Variants in SYCE2 observed in about 807,000 individuals in gnomAD.
SYCE2 encodes synaptonemal complex central element protein 2, also known as central element synaptonemal complex 1.
A neutral mutation model predicts 27.9 loss-of-function variants in SYCE2; 3 were observed. The ratio of observed to expected loss-of-function variants is 0.11; its 90% confidence interval spans 0.05 to 0.28. SYCE2 has a LOEUF of 0.28. Ranked by LOEUF, SYCE2 falls within the 10% of genes least tolerant of loss-of-function variation. SYCE2 has a pLI of 1.00. For missense variants in SYCE2, 207 were observed against 263.5 expected (o/e 0.79, Z 1.48); for synonymous variants, 85 against 100.7 (o/e 0.84, Z 0.93).
intron 2 of SYCE2, among the ~76,000 whole-genome samples, chr19:12,916,898 C>T (rs1184585117): frequency 6.6e-6 from 1 of 151,944 alleles, no homozygotes; most frequent in Admixed American, 6.6e-5. Context: ...TACATGCATG[C>T]ACCACCACGC....
intron 2 of SYCE2, among the ~76,000 whole-genome samples, chr19:12,909,311 G>C (rs1167134101): frequency 6.6e-6 from 1 of 152,100 alleles, no homozygotes; most frequent in Non-Finnish European, 1.5e-5. Flanking sequence ...GAGGACCCAA[G>C]AATATATGAA....
At position 12,918,292 on chromosome 19, in the gene SYCE2, AG is replaced by A; in HGVS notation, c.60del (p.Leu21TrpfsTer29). 1 of 1,614,084 alleles carries A rather than the reference AG, an allele frequency of 6.2e-7. No individual in the cohort carries two copies. The highest frequency in any genetic ancestry group is 8.5e-7 in the Non-Finnish European group (1 of 1,180,002). On this transcript the variant is annotated frameshift_variant, in exon 2 of 6. Coordinates refer to ENST00000293695, the MANE Select transcript of SYCE2 (RefSeq NM_001105578.2). LOFTEE classifies it high-confidence loss of function. ...HVKCKDQEPQ[P>X]LGESKEHPRW... is the part of the protein sequence containing the mutation. Reference sequence around the variant, plus strand: ...CGCGGATGCTCCTTGCTCTCCCCCAAGGGCTGCGGTTCCTGGTCTTTGCATT... The same window carrying A: ...CGCGGATGCTCCTTGCTCTCCCCCAAGGCTGCGGTTCCTGGTCTTTGCATT...
At chr19:12,907,464 T>A (rs546117926) in intron 2 of SYCE2, among the ~76,000 whole-genome samples, 1 of 152,340 alleles carries the variant, frequency 6.6e-6, no homozygotes, top group East Asian at 1.9e-4. Flanking sequence ...CAGGTCACAC[T>A]TGTGTCCACA....
intron 2 of SYCE2, among the ~76,000 whole-genome samples, chr19:12,911,226 G>A (rs370687542): frequency 1.3e-5 from 2 of 151,808 alleles, no homozygotes; most frequent in East Asian, 1.9e-4. Flanking sequence ...ATCCTGCCTC[G>A]GCCCCCAAAG....
chr19:12,900,169 TGGGCAGA>T (rs1395453760), intron 4 of SYCE2, 49 bp from the exon 5 acceptor site: 1 of 1,564,390 alleles, frequency 6.4e-7, no homozygotes, highest in Non-Finnish European at 8.6e-7. Context: ...GCCAGGGCTG[TGGGCAGA>T]GGGGATGATT....
chr19:12,899,197 A>G lies in SYCE2; in HGVS notation c.*144T>C. 1.4e-6 allele frequency: 1 copy of G among 738,716 alleles called. No homozygotes were observed. The highest frequency in any genetic ancestry group is 2.3e-6 in the Non-Finnish European group (1 of 441,658). 45.8% of individuals were successfully genotyped at this position (738,716 alleles called of 1,614,324 possible). On this transcript the variant is annotated 3_prime_UTR_variant, in exon 6 of 6. Coordinates refer to ENST00000293695, the MANE Select transcript of SYCE2 (RefSeq NM_001105578.2). ...TGGACTTGCTACATTTTGGGAGTTCAGCACAAGGAGCTTTGGGTTTTTGTT... is the reference window on the plus strand; with the variant it reads ...TGGACTTGCTACATTTTGGGAGTTCGGCACAAGGAGCTTTGGGTTTTTGTT...
chr19:12,917,042 G>A (rs1163037159), intron 2 of SYCE2, among the ~76,000 whole-genome samples: 4 of 150,198 alleles, frequency 2.7e-5, no homozygotes, highest in South Asian at 4.2e-4. Flanking sequence ...GAGCCACTGC[G>A]CCCAGCCTCT....
At chr19:12,904,783 A>T (rs1304224604) in intron 2 of SYCE2, 117 bp from the exon 3 acceptor site, 1 of 1,207,786 alleles carries the variant, frequency 8.3e-7, no homozygotes, top group East Asian at 2.4e-5. Context: ...GGCGGATCAC[A>T]AGGTCAGGAG....
chr19:12,901,109 C>T (rs766210923), intron 3 of SYCE2, among the ~76,000 whole-genome samples: 4 of 151,868 alleles, frequency 2.6e-5, no homozygotes, highest in Non-Finnish European at 1.5e-5. Flanking sequence ...GCGGAGCTTG[C>T]AGTGAGCTGA....
intron 3 of SYCE2, among the ~76,000 whole-genome samples, chr19:12,901,250 C>T (rs570673549): frequency 3.3e-5 from 5 of 151,858 alleles, no homozygotes; most frequent in African/African-American, 1.2e-4. Context: ...GTGGTGTGCA[C>T]CTGTAATCCC....
intron 2 of SYCE2, among the ~76,000 whole-genome samples, chr19:12,910,965 C>A (rs578003841): frequency 6.6e-6 from 1 of 152,254 alleles, no homozygotes; most frequent in East Asian, 1.9e-4. Context: ...GCGTGAGCCA[C>A]CGCACCCGGC....
At position 12,901,034 on chromosome 19, in the gene SYCE2, T is replaced by G. The variant is rs183224524; in HGVS notation, c.307-386A>C. Among the ~76,000 whole-genome samples the G allele has an allele frequency of 8.5e-3, 1,297 of 152,052 alleles. 19 individuals carry two copies. The highest frequency in any genetic ancestry group is 0.03 in the African/African-American group (1,225 of 41,480). Reference sequence around the variant, plus strand: ...TACAAAAAAATTTAGCCGGGCGAGGTGGCGGGCGCCTGTAGTCCCAGCTAC... The same window carrying G: ...TACAAAAAAATTTAGCCGGGCGAGGGGGCGGGCGCCTGTAGTCCCAGCTAC... On this transcript the variant is annotated intron_variant, in intron 3 of 5. Transcript: ENST00000293695.
intron 3 of SYCE2, among the ~76,000 whole-genome samples, chr19:12,901,660 A>G (rs934599125): frequency 2.0e-5 from 3 of 151,948 alleles, no homozygotes; most frequent in African/African-American, 7.3e-5. Context: ...TCATTGCCCA[A>G]GCTGGAGTTC....
Position 12,916,236 on chromosome 19 carries a change from A to AT in SYCE2, c.131+1985dup, listed in dbSNP as rs200708582. Among the ~76,000 whole-genome samples, 1,150 of 151,770 alleles carry AT rather than the reference A, an allele frequency of 7.6e-3. 15 individuals are homozygous for AT. Among genetic ancestry groups the AT allele is most frequent in the African/African-American group, 0.026 (1,081 of 41,388 alleles). ...AGGCATGCGCCACCACGCCTGGCTA[A>AT]TTTTTTGTATTTTTAGTAGAAACAG... is the stretch of plus-strand genomic sequence containing the variant. On this transcript the variant is annotated intron_variant, in intron 2 of 5. Coordinates refer to ENST00000293695, the MANE Select transcript of SYCE2 (RefSeq NM_001105578.2).
rs1318632613 is a variant in SYCE2, at chr19:12,899,137, G to T, written c.*204C>A. On this transcript the variant is annotated 3_prime_UTR_variant, in exon 6 of 6. Transcript: ENST00000293695. ...TGGGGGTGGGGAGAACTTGCCAAGG[G>T]TGGGGAGCACGAAGCCTGGGCCTAT... The T allele has an allele frequency of 6.7e-6, 4 of 595,562 alleles. No individual in the cohort carries two copies. The highest frequency in any genetic ancestry group is 2.8e-5 in the East Asian group (1 of 35,856). 36.9% of individuals were successfully genotyped at this position (595,562 alleles called of 1,614,324 possible). A position where few individuals can be genotyped will look rare whatever the true frequency, so the allele number is the denominator to read the frequency against.
At chr19:12,912,867 A>AT (rs1167948550) in intron 2 of SYCE2, among the ~76,000 whole-genome samples, 1 of 151,626 alleles carries the variant, frequency 6.6e-6, no homozygotes, top group African/African-American at 2.4e-5. Context: ...GAGCTTCTTT[A>AT]TTTTTCCAAC....
Position 12,912,654 on chromosome 19 carries a change from C to T in SYCE2, c.131+5568G>A, listed in dbSNP as rs570688651. Among the ~76,000 whole-genome samples, 24 of 152,228 alleles carry T rather than the reference C, an allele frequency of 1.6e-4. No homozygotes were observed. The South Asian group carries it at 5.0e-3, about 32-fold the overall frequency. ...CCTAAAATTAAAATCGATGAGAGCACCAGGTGTTTCTTTTTGTGTGATTGT... is the reference window on the plus strand; with the variant it reads ...CCTAAAATTAAAATCGATGAGAGCATCAGGTGTTTCTTTTTGTGTGATTGT... On this transcript the variant is annotated intron_variant, in intron 2 of 5. Transcript: ENST00000293695.
At chr19:12,918,727 G>A (rs909332582) in intron 1 of SYCE2, among the ~76,000 whole-genome samples, 1 of 152,064 alleles carries the variant, frequency 6.6e-6, no homozygotes, top group Non-Finnish European at 1.5e-5. Context: ...GCGGAGGCGG[G>A]CGGATCACGA....
rs1970775558 is a variant in SYCE2, at chr19:12,899,310, T to A, written c.*31A>T. The A allele has an allele frequency of 6.3e-7, 1 of 1,596,916 alleles. No individual in the cohort carries two copies. The highest frequency in any genetic ancestry group is 8.6e-7 in the Non-Finnish European group (1 of 1,164,346). On this transcript the variant is annotated 3_prime_UTR_variant, in exon 6 of 6. Transcript: ENST00000293695. ...GGCCTCACAGTCTTCTCCTGGAGAC[T>A]GTCACTAAGGCGTGAGTCTCCCGGC...
Sources: allele counts gnomAD v4.1 joint callset (sites outside exome capture counted in the v4.1 genomes callset), GRCh38; gene constraint gnomAD v4.1.1; transcripts MANE v1.5; gene names NCBI Gene and HGNC (gene_info 2026-07-23, HGNC 2026-07-21).